Variants in CPNE4 observed in about 807,000 individuals in gnomAD.
CPNE4 encodes the protein copine-4.
A neutral mutation model predicts 67.9 loss-of-function variants in CPNE4; 25 were observed. The ratio of observed to expected loss-of-function variants is 0.37; its 90% CI spans 0.27 to 0.51. The LOEUF (loss-of-function observed/expected upper bound fraction) is 0.51, where lower values mean the gene tolerates loss of function less well. CPNE4 is among the 20% of genes least tolerant of loss of function. The pLI is 0.93. For synonymous variants in CPNE4, 242 were observed against 244.9 expected (o/e 0.99, Z 0.11); for missense variants, 464 against 690.8 (o/e 0.67, Z 3.68).
At chr3:131,882,303 G>T (rs577640323) in intron 2 of CPNE4, among the ~76,000 whole-genome samples, 1 of 152,190 alleles carries the variant, frequency 6.6e-6, no homozygotes, top group Non-Finnish European at 1.5e-5. Flanking sequence ...AATTTTGGAA[G>T]AAAGATACAA....
intron 7 of CPNE4, among the ~76,000 whole-genome samples, chr3:131,622,854 C>T (rs993049287): frequency 1.3e-5 from 2 of 152,260 alleles, no homozygotes; most frequent in South Asian, 4.2e-4. Context: ...AGGAGTTTGC[C>T]GCTGTCCGTG....
chr3:131,906,201 T>TG (rs1392059661), intron 1 of CPNE4, among the ~76,000 whole-genome samples: 1 of 71,982 alleles, frequency 1.4e-5, no homozygotes. Context: ...TTTTATTTTT[T>TG]GTTTTTTTTT....
intron 2 of CPNE4, among the ~76,000 whole-genome samples, chr3:131,755,571 T>G (rs2082732903): frequency 6.6e-6 from 1 of 152,186 alleles, no homozygotes; most frequent in African/African-American, 2.4e-5. Context: ...TCAATTACTG[T>G]TACACTGGGT....
intron 1 of CPNE4, among the ~76,000 whole-genome samples, chr3:132,028,011 C>T (rs1290341977): frequency 6.6e-6 from 1 of 152,174 alleles, no homozygotes; most frequent in Non-Finnish European, 1.5e-5. Flanking sequence ...CCTTCCAAAT[C>T]ATTTTCTGTT....
chr3:131,733,890 C>G (rs1010066898), intron 2 of CPNE4, among the ~76,000 whole-genome samples: 8 of 152,190 alleles, frequency 5.3e-5, no homozygotes, highest in African/African-American at 1.9e-4. Flanking sequence ...AACTCATCTG[C>G]GGGATGCTGC....
At chr3:131,584,297 C>G (rs1938035699) in intron 8 of CPNE4, among the ~76,000 whole-genome samples, 1 of 152,098 alleles carries the variant, frequency 6.6e-6, no homozygotes, top group Non-Finnish European at 1.5e-5. Context: ...ACGGGTAAAC[C>G]TCTCCTCTGA....
At chr3:131,978,539 T>A (rs1167015347) in intron 1 of CPNE4, among the ~76,000 whole-genome samples, 1 of 82,080 alleles carries the variant, frequency 1.2e-5, no homozygotes, top group Non-Finnish European at 2.0e-5. Context: ...TAAATATATA[T>A]AAATATATAT....
intron 2 of CPNE4, among the ~76,000 whole-genome samples, chr3:131,806,482 G>A (rs554131574): frequency 1.9e-4 from 29 of 150,946 alleles, no homozygotes; most frequent in African/African-American, 5.8e-4. Context: ...CCCGGGAGGC[G>A]GTGCTTGCAG....
chr3:131,650,740 G>A (rs1191015679), intron 7 of CPNE4, among the ~76,000 whole-genome samples: 5 of 44,870 alleles, frequency 1.1e-4, no homozygotes, highest in African/African-American at 1.6e-4. Context: ...GCAAGACTCC[G>A]TCTCAAAAAA....
At chr3:131,941,196 T>G (rs2071374917) in intron 1 of CPNE4, among the ~76,000 whole-genome samples, 1 of 152,050 alleles carries the variant, frequency 6.6e-6, no homozygotes, top group Non-Finnish European at 1.5e-5. Context: ...AATACAACCA[T>G]TAATAATACT....
intron 2 of CPNE4, among the ~76,000 whole-genome samples, chr3:131,757,509 T>A (rs756939019): frequency 2.0e-4 from 31 of 152,256 alleles, no homozygotes; most frequent in Middle Eastern, 3.4e-3. Context: ...GTGGGTGCTG[T>A]TAAAGGCATT....
chr3:131,988,701 G>C (rs888087248), intron 1 of CPNE4, among the ~76,000 whole-genome samples: 1 of 152,086 alleles, frequency 6.6e-6, no homozygotes, highest in Non-Finnish European at 1.5e-5. Context: ...GTATTCTCCA[G>C]GCTTACCAGA....
chr3:131,865,924 G>C (rs1217375919), intron 2 of CPNE4, among the ~76,000 whole-genome samples: 1 of 152,164 alleles, frequency 6.6e-6, no homozygotes, highest in African/African-American at 2.4e-5. Context: ...ATGGGGAGCT[G>C]TAAATAGACC....
intron 7 of CPNE4, among the ~76,000 whole-genome samples, chr3:131,590,560 A>AT (rs1411275623): frequency 6.6e-6 from 1 of 152,120 alleles, no homozygotes; most frequent in Admixed American, 6.5e-5. Flanking sequence ...ATTACAATTT[A>AT]TTTTTTTCTG....
chr3:131,714,153 G>A (rs1410432434), intron 3 of CPNE4, among the ~76,000 whole-genome samples: 1 of 152,064 alleles, frequency 6.6e-6, no homozygotes, highest in East Asian at 1.9e-4. Flanking sequence ...CTAACCTGTG[G>A]AATCTTACTG....
chr3:131,901,727 C>T (rs932050789), intron 2 of CPNE4, among the ~76,000 whole-genome samples: 1 of 152,028 alleles, frequency 6.6e-6, no homozygotes, highest in Non-Finnish European at 1.5e-5. Flanking sequence ...CTGGATGGCC[C>T]AGCTGTTTGG....
At chr3:131,618,704 A>G (rs1940299774) in intron 7 of CPNE4, among the ~76,000 whole-genome samples, 1 of 152,150 alleles carries the variant, frequency 6.6e-6, no homozygotes, top group African/African-American at 2.4e-5. Flanking sequence ...TTTGTTAGAG[A>G]AGGCATTTCA....
intron 2 of CPNE4, among the ~76,000 whole-genome samples, chr3:131,747,654 G>T (rs1305145644): frequency 6.6e-6 from 1 of 152,072 alleles, no homozygotes; most frequent in African/African-American, 2.4e-5. Flanking sequence ...TTGCAGGCAT[G>T]TACCACATGC....
In CPNE4 at chr3:131,974,991, G is replaced by C. The variant is rs544233940; in HGVS notation, c.-2+59576C>G. Among the ~76,000 whole-genome samples the C allele has an allele frequency of 7.9e-5, 12 of 152,240 alleles. No individual in the cohort carries two copies. In the East Asian group the frequency reaches 2.1e-3, roughly 27 times the overall value. ...CCCCTGCACTCCAGGCTGGGTGACAGAGCCAGACCCTGTCTCAAAAATCAA... is the reference window on the plus strand; with the variant it reads ...CCCCTGCACTCCAGGCTGGGTGACACAGCCAGACCCTGTCTCAAAAATCAA... On this transcript the variant is annotated intron_variant, in intron 1 of 15. Transcript: ENST00000429747.
Sources: allele counts gnomAD v4.1 joint callset (sites outside exome capture counted in the v4.1 genomes callset), GRCh38; gene constraint gnomAD v4.1.1; transcripts MANE v1.5; gene names NCBI Gene and HGNC (gene_info 2026-07-23, HGNC 2026-07-21).